Variants in PRDM4 observed in about 807,000 individuals in gnomAD.
PRDM4 encodes PR/SET domain 4.
Under a neutral mutation model 62.3 loss-of-function variants are expected in PRDM4, and 38 were observed. The observed-to-expected ratio is 0.61, with a 90% CI of 0.47 to 0.80. The LOEUF is 0.80. Among genes scored for constraint, PRDM4 ranks in the 30% least tolerant of loss-of-function variants. PRDM4 has a pLI of 0.00. For missense variants in PRDM4, 858 were observed against 997.1 expected, an observed-to-expected ratio of 0.86 and a Z score of 1.88; for synonymous variants, 339 against 348.2, an observed-to-expected ratio of 0.97 and a Z score of 0.30.
chr12:107,747,638 T>G (rs1001293104), intron 5 of PRDM4, among the ~76,000 whole-genome samples: 8 of 152,302 alleles, frequency 5.3e-5, no homozygotes, highest in Admixed American at 2.6e-4. Flanking sequence ...AGCTTATGAG[T>G]GTCCTCCTCC....
Position 107,761,111 on chromosome 12 carries a change from C to G in PRDM4, c.-411G>C, listed in dbSNP as rs933870915. On this transcript the variant is annotated 5_prime_UTR_variant, in exon 1 of 12. Transcript: ENST00000228437. ...GTCCCGCCCGGCCCTTCCCGGCCCG[C>G]GGCCTCCTCTGGGCCGCACCCTCTG... The G allele has an allele frequency of 1.3e-5, 2 of 151,624 alleles. No individual in the cohort carries two copies. Among genetic ancestry groups the G allele is most frequent in the East Asian group, 1.9e-4 (1 of 5,158 alleles). The allele number at this position is 151,624 out of a possible 1,614,324, so 9.4% of individuals were successfully genotyped here. A position where few individuals can be genotyped will look rare whatever the true frequency, so the allele number is the denominator to read the frequency against.
chr12:107,739,741 A>AGG (rs1223043792), intron 10 of PRDM4, 190 bp from the exon 11 acceptor site: 2 of 476,628 alleles, frequency 4.2e-6, no homozygotes, highest in Non-Finnish European at 3.6e-6. Flanking sequence ...CTGCAACTAA[A>AGG]GCTAGTAAAT....
intron 4 of PRDM4, 43 bp downstream of exon 4, chr12:107,753,881 G>A (rs542356828): frequency 3.4e-5 from 52 of 1,541,938 alleles, no homozygotes; most frequent in Admixed American, 2.1e-4. Flanking sequence ...AAAAGCTGGC[G>A]CCGTTCTTTT....
At chr12:107,746,145 A>G in intron 6 of PRDM4, 130 bp downstream of exon 6, 2 of 1,118,324 alleles carry the variant, frequency 1.8e-6, no homozygotes, top group South Asian at 3.0e-5. Flanking sequence ...ATTCCATAAA[A>G]GCATAAATCT....
In PRDM4 at chr12:107,751,665, C is replaced by T. The variant is rs113090370; in HGVS notation, c.876G>A (p.Val292=). 1.2e-3 allele frequency: 1,891 copies of T among 1,614,138 alleles called. 16 individuals are homozygous for T. The African/African-American group carries it at 0.019, about 16-fold the overall frequency. Residue 292 remains valine (V), a synonymous_variant, in exon 5 of 12, where the codon GTG becomes GTA. Coordinates refer to ENST00000228437, the MANE Select transcript of PRDM4 (RefSeq NM_012406.4). ...CGCTTACAGAGTTGGTGCTCATGGC[C>T]ACAGTGTGAATGGAGTCACTGAGGG... The part of the protein sequence containing the change: ...DSALSDSIHT[V]AMSTNSVSVA...
At chr12:107,738,721 A>G (rs1890413583) in intron 11 of PRDM4, among the ~76,000 whole-genome samples, 1 of 152,194 alleles carries the variant, frequency 6.6e-6, no homozygotes, top group African/African-American at 2.4e-5. Flanking sequence ...TGCCTAAGTA[A>G]TCTTTGTATT....
rs1334580169 is a variant in PRDM4 at position 107,752,082 on chromosome 12, A to T, written c.459T>A (p.Asn153Lys). The T allele has an allele frequency of 6.2e-7, 1 of 1,613,600 alleles. No individual in the cohort carries two copies. Among genetic ancestry groups the T allele is most frequent in the Non-Finnish European group, 8.5e-7 (1 of 1,179,490 alleles). Reference protein sequence around the residue: ...NPSALDPYQSNGNVGLEPGIV... With the variant: ...NPSALDPYQSKGNVGLEPGIV... ...TGCCTGGTTCTAATCCAACATTTCC[A>T]TTGGACTGATAGGGATCTAGTGCTG... is the stretch of plus-strand genomic sequence containing the variant. Residue 153 changes from asparagine (N) to lysine (K), a missense_variant, in exon 5 of 12, where the codon AAT becomes AAA. This residue lies in a region of PRDM4 where 499 missense variants were observed against 546.7 expected (regional missense o/e 0.91). Coordinates refer to ENST00000228437, the MANE Select transcript of PRDM4 (RefSeq NM_012406.4).
intron 2 of PRDM4, among the ~76,000 whole-genome samples, chr12:107,757,923 T>C (rs776857152): frequency 6.6e-6 from 1 of 152,148 alleles, no homozygotes; most frequent in Non-Finnish European, 1.5e-5. Flanking sequence ...ATTTAGAGAC[T>C]GCCATACTAT....
At position 107,733,137 on chromosome 12, in the gene PRDM4, C is replaced by G. The variant is rs1239260335; in HGVS notation, c.*1073G>C. 2 of 152,346 alleles carry G rather than the reference C, an allele frequency of 1.3e-5. No individual in the cohort carries two copies. The highest frequency in any genetic ancestry group is 2.4e-5 in the African/African-American group (1 of 41,422). The allele number at this position is 152,346 out of a possible 1,614,324, so 9.4% of individuals were successfully genotyped here. ...ACTAAGCTGGGACCCTGAAAACAGGCCCATGTGGTCACTATTCAGCCTTCT... is the reference window on the plus strand; with the variant it reads ...ACTAAGCTGGGACCCTGAAAACAGGGCCATGTGGTCACTATTCAGCCTTCT... On this transcript the variant is annotated 3_prime_UTR_variant, in exon 12 of 12. Transcript: ENST00000228437.
At chr12:107,756,335 G>A (rs1891066035) in intron 3 of PRDM4, among the ~76,000 whole-genome samples, 2 of 152,146 alleles carry the variant, frequency 1.3e-5, no homozygotes, top group African/African-American at 4.8e-5. Context: ...GGCGTTCCAT[G>A]TAAAAGCCCC....
rs760561027 is a variant in PRDM4, at chr12:107,746,437, A to T, written c.1127-13T>A. 10 of 1,556,974 alleles carry T rather than the reference A, an allele frequency of 6.4e-6. 2 individuals are homozygous for T. The South Asian group carries it at 1.2e-4, about 19-fold the overall frequency. On this transcript the variant is annotated splice_polypyrimidine_tract_variant and intron_variant, in intron 5 of 11. Coordinates refer to ENST00000228437, the MANE Select transcript of PRDM4 (RefSeq NM_012406.4). ...CACAGAGTACACCCTGTAGATGGCA[A>T]ATTTGAGCAATACAAATGGGTTTAG...
chr12:107,758,063 A>C (rs763967100), intron 2 of PRDM4, among the ~76,000 whole-genome samples: 6 of 152,124 alleles, frequency 3.9e-5, no homozygotes, highest in Non-Finnish European at 8.8e-5. Context: ...GAATCAAATG[A>C]GGTTACATAT....
intron 2 of PRDM4, 118 bp from the exon 3 acceptor site, chr12:107,757,083 T>G (rs1223441892): frequency 1.4e-5 from 14 of 988,226 alleles, no homozygotes; most frequent in Non-Finnish European, 2.0e-5. Context: ...AACTATTAGT[T>G]CACTTTTACG....
intron 2 of PRDM4, chr12:107,759,634 A>G (rs1891168057): frequency 6.6e-6 from 1 of 152,254 alleles, no homozygotes; most frequent in Admixed American, 6.5e-5. Flanking sequence ...CTAAAACGTG[A>G]TGACCTCAGC....
At chr12:107,757,293 T>C (rs984357633) in intron 2 of PRDM4, among the ~76,000 whole-genome samples, 1 of 152,188 alleles carries the variant, frequency 6.6e-6, no homozygotes, top group Middle Eastern at 3.2e-3. Context: ...TTTTTTTAAA[T>C]CACTCAAGCT....
intron 8 of PRDM4, 31 bp from the exon 9 acceptor site, chr12:107,742,379 A>G: frequency 1.2e-6 from 2 of 1,610,482 alleles, no homozygotes; most frequent in Non-Finnish European, 1.7e-6. Context: ...GATCAAGCAC[A>G]TTAATTTTGA....
In PRDM4 at chr12:107,760,675, C is replaced by G; in HGVS notation, c.-160G>C. 1 of 826,140 alleles carries G rather than the reference C, an allele frequency of 1.2e-6. No homozygotes were observed. Among genetic ancestry groups the G allele is most frequent in the South Asian group, 1.8e-5 (1 of 56,316 alleles). 51.2% of individuals were successfully genotyped at this position (826,140 alleles called of 1,614,324 possible). The stretch of plus-strand genomic sequence containing the variant: ...TCGCCCGGGGCCGCCCAACTTCTCC[C>G]GAGGGCCGGTGGCCGTGCACCCCGC... On this transcript the variant is annotated 5_prime_UTR_variant, in exon 2 of 12. Transcript: ENST00000228437.
At chr12:107,745,258 A>C (rs1890659183) in intron 6 of PRDM4, among the ~76,000 whole-genome samples, 2 of 152,084 alleles carry the variant, frequency 1.3e-5, no homozygotes, top group Admixed American at 6.5e-5. Context: ...GTCTCTCCAA[A>C]TACATTATTT....
rs1486268406 is a variant in PRDM4, at chr12:107,760,667, A to T, written c.-152T>A. The T allele has an allele frequency of 1.1e-6, 1 of 900,652 alleles. No individual in the cohort carries two copies. Among genetic ancestry groups the T allele is most frequent in the Non-Finnish European group, 1.6e-6 (1 of 606,070 alleles). The allele number at this position is 900,652 out of a possible 1,614,324, so 55.8% of individuals were successfully genotyped here. ...CCCCGGGGTCGCCCGGGGCCGCCCA[A>T]CTTCTCCCGAGGGCCGGTGGCCGTG... On this transcript the variant is annotated 5_prime_UTR_variant, in exon 2 of 12. It adds an upstream start codon to the 5' untranslated region. Transcript: ENST00000228437.
Sources: allele counts gnomAD v4.1 joint callset (sites outside exome capture counted in the v4.1 genomes callset), GRCh38; gene constraint gnomAD v4.1.1; regional missense constraint gnomAD v4.1.1; transcripts MANE v1.5; gene names NCBI Gene and HGNC (gene_info 2026-07-23, HGNC 2026-07-21).